Variants in MRPS28 observed in about 807,000 individuals in gnomAD.
MRPS28 encodes the protein mitochondrial ribosomal protein S28.
In MRPS28, 7 loss-of-function variants were observed where a neutral mutation model predicts 10.8. The observed-to-expected ratio is 0.65, with a 90% CI of 0.37 to 1.22. The LOEUF (loss-of-function observed/expected upper bound fraction) is 1.22. Among genes scored for constraint, MRPS28 ranks in the 50% most tolerant of loss-of-function variants. The pLI is 0.02. For missense variants in MRPS28, 265 were observed against 232.9 expected, an observed-to-expected ratio of 1.14 and a Z score of -0.90; for synonymous variants, 121 against 93.3, an observed-to-expected ratio of 1.30 and a Z score of -1.71.
At chr8:79,923,375 T>C (rs548576662) in intron 2 of MRPS28, among the ~76,000 whole-genome samples, 1 of 152,170 alleles carries the variant, frequency 6.6e-6, no homozygotes, top group Non-Finnish European at 1.5e-5. Context: ...TAAGAATTTA[T>C]CACTCCATAG....
At chr8:79,953,824 T>G (rs1267668546) in intron 2 of MRPS28, among the ~76,000 whole-genome samples, 2 of 152,110 alleles carry the variant, frequency 1.3e-5, no homozygotes, top group African/African-American at 4.8e-5. Context: ...TATAAAGAAA[T>G]GCTACAAGTG....
chr8:79,954,822 T>C (rs529905601), intron 2 of MRPS28, among the ~76,000 whole-genome samples: 55 of 152,198 alleles, frequency 3.6e-4, no homozygotes, highest in Non-Finnish European at 7.1e-4. Flanking sequence ...AAATATGCAG[T>C]GGAATAATGC....
chr8:79,973,559 C>T (rs1041846018), intron 2 of MRPS28, among the ~76,000 whole-genome samples: 1 of 152,164 alleles, frequency 6.6e-6, no homozygotes. Flanking sequence ...CTCAACAGAT[C>T]TTCCCACCTC....
intron 2 of MRPS28, among the ~76,000 whole-genome samples, chr8:79,921,062 C>A (rs1273535691): frequency 8.5e-5 from 13 of 152,118 alleles, no homozygotes; most frequent in African/African-American, 3.1e-4. Flanking sequence ...TTCCCCATTG[C>A]TTGTTTTTGT....
At chr8:79,959,513 C>T (rs56705774) in intron 2 of MRPS28, among the ~76,000 whole-genome samples, 6,966 of 152,026 alleles carry the variant, frequency 0.046, 533 homozygotes, top group African/African-American at 0.16. Flanking sequence ...AAAGATTGAA[C>T]GGTACAACTT....
intron 2 of MRPS28, among the ~76,000 whole-genome samples, chr8:79,925,943 C>T (rs1181225215): frequency 6.7e-6 from 1 of 148,736 alleles, no homozygotes; most frequent in African/African-American, 2.5e-5. Flanking sequence ...GCCAAGATTA[C>T]ACCACTACAC....
At chr8:79,983,088 C>T (rs1050439480) in intron 2 of MRPS28, among the ~76,000 whole-genome samples, 3 of 151,872 alleles carry the variant, frequency 2.0e-5, no homozygotes, top group South Asian at 2.1e-4. Context: ...TTCAGAGGAA[C>T]GATCAGACAG....
At chr8:79,933,537 C>T (rs183312855) in intron 2 of MRPS28, among the ~76,000 whole-genome samples, 1 of 152,130 alleles carries the variant, frequency 6.6e-6, no homozygotes, top group Non-Finnish European at 1.5e-5. Flanking sequence ...TATTTGCACA[C>T]AAATGTTCAA....
At chr8:79,977,724 G>A (rs1465729640) in intron 2 of MRPS28, among the ~76,000 whole-genome samples, 1 of 152,070 alleles carries the variant, frequency 6.6e-6, no homozygotes, top group Non-Finnish European at 1.5e-5. Flanking sequence ...GACTGAGGTG[G>A]GAGGATTGCT....
chr8:80,013,362 G>A (rs997725701), intron 1 of MRPS28, among the ~76,000 whole-genome samples: 2 of 152,080 alleles, frequency 1.3e-5, no homozygotes, highest in Admixed American at 1.3e-4. Context: ...ACAGCTGGGT[G>A]CAGTGGCTCA....
intron 1 of MRPS28, among the ~76,000 whole-genome samples, chr8:80,017,527 C>T (rs1216215052): frequency 1.3e-5 from 2 of 152,128 alleles, no homozygotes; most frequent in Non-Finnish European, 2.9e-5. Context: ...CCTTGAAAGA[C>T]AAAGTCTGCC....
At chr8:79,962,893 C>T (rs943190925) in intron 2 of MRPS28, among the ~76,000 whole-genome samples, 1 of 152,084 alleles carries the variant, frequency 6.6e-6, no homozygotes, top group Non-Finnish European at 1.5e-5. Context: ...CTGAAAGAAA[C>T]TAGGAAGGAT....
chr8:80,005,179 A>G (rs1017979982), intron 1 of MRPS28, among the ~76,000 whole-genome samples: 38 of 152,200 alleles, frequency 2.5e-4, no homozygotes, highest in Admixed American at 2.2e-3. Context: ...CAAGACACAC[A>G]ATTATCAGAT....
chr8:79,980,907 C>G (rs2130075985), intron 2 of MRPS28, among the ~76,000 whole-genome samples: 1 of 152,322 alleles, frequency 6.6e-6, no homozygotes, highest in African/African-American at 2.4e-5. Context: ...TCGTCACCAT[C>G]ACTACCATTA....
intron 2 of MRPS28, among the ~76,000 whole-genome samples, chr8:79,975,286 G>A (rs1807763158): frequency 6.6e-6 from 1 of 152,058 alleles, no homozygotes; most frequent in Non-Finnish European, 1.5e-5. Context: ...AACAGAGCAA[G>A]ACCCTGCCTT....
intron 2 of MRPS28, among the ~76,000 whole-genome samples, chr8:79,986,189 C>A (rs1808163911): frequency 6.6e-6 from 1 of 152,268 alleles, no homozygotes; most frequent in Middle Eastern, 3.4e-3. Flanking sequence ...TTGATTATCT[C>A]AATAGATGCA....
intron 2 of MRPS28, among the ~76,000 whole-genome samples, chr8:79,969,592 A>ATG (rs1336022073): frequency 4.6e-5 from 7 of 152,126 alleles, no homozygotes; most frequent in Non-Finnish European, 7.4e-5. Context: ...AATGGAAAAG[A>ATG]TGGGGTAACG....
intron 2 of MRPS28, among the ~76,000 whole-genome samples, chr8:79,983,252 T>A (rs961419264): frequency 1.3e-5 from 2 of 151,854 alleles, no homozygotes; most frequent in African/African-American, 2.4e-5. Flanking sequence ...AGAAAGGACA[T>A]CCACACCAAA....
chr8:80,001,362 T>C (rs1808656265), intron 2 of MRPS28, among the ~76,000 whole-genome samples: 1 of 152,246 alleles, frequency 6.6e-6, no homozygotes, highest in Non-Finnish European at 1.5e-5. Flanking sequence ...AGGATACCTC[T>C]CTTAAAGGGT....
Sources: gnomAD v4.1 joint callset for allele counts (sites outside exome capture counted in the v4.1 genomes callset) on GRCh38, gnomAD v4.1.1 for gene constraint, MANE v1.5 for transcripts, NCBI Gene and HGNC (gene_info 2026-07-23, HGNC 2026-07-21) for gene names.